MACROD2: variants seen among roughly 807,000 people sequenced by gnomAD.
MACROD2 encodes ADP-ribose glycohydrolase MACROD2.
In MACROD2, 36 loss-of-function variants were observed where a neutral mutation model predicts 70.4. That is an observed-to-expected ratio of 0.51 (90% CI 0.39 to 0.68). MACROD2 has a LOEUF of 0.68. MACROD2 is among the 30% of genes least tolerant of loss of function. The pLI, the probability that MACROD2 is intolerant of heterozygous loss-of-function variation, is 0.00. For missense variants in MACROD2, 496 were observed against 538.4 expected, an observed-to-expected ratio of 0.92 and a Z score of 0.78; for synonymous variants, 172 against 178.8, an observed-to-expected ratio of 0.96 and a Z score of 0.30.
chr20:15,801,242 A>C (rs898529942), intron 8 of MACROD2, among the ~76,000 whole-genome samples: 7 of 151,522 alleles, frequency 4.6e-5, no homozygotes, highest in Non-Finnish European at 7.4e-5. Context: ...TGGACAGTGG[A>C]TGGTATCCCA....
chr20:15,869,196 T>C (rs2064537835), intron 9 of MACROD2, among the ~76,000 whole-genome samples: 1 of 125,308 alleles, frequency 8.0e-6, no homozygotes, highest in Non-Finnish European at 1.6e-5. Flanking sequence ...TCAACTTTAC[T>C]TAAATGTGAT....
intron 3 of MACROD2, chr20:14,328,803 G>C (rs1165048009): frequency 6.6e-6 from 1 of 152,060 alleles, no homozygotes; most frequent in Admixed American, 6.6e-5. Context: ...TCATTAAAGT[G>C]GGGGCAGAAA....
At chr20:15,640,158 A>C (rs1413128528) in intron 8 of MACROD2, among the ~76,000 whole-genome samples, 2 of 151,934 alleles carry the variant, frequency 1.3e-5, no homozygotes, top group African/African-American at 4.8e-5. Flanking sequence ...AGAAAAAGAG[A>C]TGTGAGGAAG....
At chr20:15,071,514 T>C (rs1006062495) in intron 5 of MACROD2, among the ~76,000 whole-genome samples, 1 of 152,214 alleles carries the variant, frequency 6.6e-6, no homozygotes, top group African/African-American at 2.4e-5. Context: ...TAATGCTATT[T>C]GAAACTTTAT....
chr20:14,738,860 T>C (rs1247423280), intron 5 of MACROD2, among the ~76,000 whole-genome samples: 1 of 151,832 alleles, frequency 6.6e-6, no homozygotes, highest in Non-Finnish European at 1.5e-5. Context: ...GAAGGGAAAA[T>C]ACTAATACTT....
At chr20:15,737,548 A>C (rs952526581) in intron 8 of MACROD2, among the ~76,000 whole-genome samples, 3 of 152,248 alleles carry the variant, frequency 2.0e-5, no homozygotes, top group Admixed American at 6.5e-5. Flanking sequence ...GTTGATGTGC[A>C]TGAAAATGTT....
chr20:14,882,144 T>C (rs2073617775), intron 5 of MACROD2, among the ~76,000 whole-genome samples: 1 of 152,202 alleles, frequency 6.6e-6, no homozygotes, highest in South Asian at 2.1e-4. Context: ...ATTTTGAGAT[T>C]CTGCCATAGC....
At chr20:14,517,924 C>T (rs1043927276) in intron 4 of MACROD2, among the ~76,000 whole-genome samples, 7 of 151,622 alleles carry the variant, frequency 4.6e-5, no homozygotes, top group East Asian at 1.9e-4. Context: ...ATGATGTCTT[C>T]GAGACTGTTA....
intron 8 of MACROD2, among the ~76,000 whole-genome samples, chr20:15,781,727 T>G (rs1298080427): frequency 2.0e-5 from 3 of 152,156 alleles, no homozygotes; most frequent in African/African-American, 7.2e-5. Context: ...GTCTGAATTT[T>G]AGAGAGGACA....
intron 8 of MACROD2, among the ~76,000 whole-genome samples, chr20:15,686,579 A>G (rs1484756897): frequency 6.6e-6 from 1 of 152,192 alleles, no homozygotes; most frequent in African/African-American, 2.4e-5. Context: ...GTCAAATAAA[A>G]TACAATTTGT....
In MACROD2 at chr20:14,178,575, G is replaced by A. The variant is rs565456187; in HGVS notation, c.271+92847G>A. 1.2e-4 allele frequency among the ~76,000 whole-genome samples: 19 copies of A among 152,218 alleles called. No homozygotes were observed. The East Asian group carries it at 3.5e-3, about 28-fold the overall frequency. ...TCTGAAGAAATTAGTTATGTACATG[G>A]ATTGAGTAGAAATGGGTTGGAATAA... On this transcript the variant is annotated intron_variant, in intron 3 of 17. Coordinates refer to ENST00000684519, the MANE Select transcript of MACROD2 (RefSeq NM_001351661.2).
chr20:15,892,554 T>A (rs997242652), intron 10 of MACROD2, among the ~76,000 whole-genome samples: 39 of 152,202 alleles, frequency 2.6e-4, no homozygotes, highest in Non-Finnish European at 8.8e-5. Flanking sequence ...TAAGATGAAA[T>A]TGCACAATGA....
chr20:14,569,505 C>T (rs566287168), intron 4 of MACROD2, among the ~76,000 whole-genome samples: 3 of 152,012 alleles, frequency 2.0e-5, no homozygotes, highest in African/African-American at 7.2e-5. Flanking sequence ...TCCTCCACAA[C>T]CCAGCATCAT....
At chr20:14,928,244 T>TACC (rs1555851497) in intron 5 of MACROD2, among the ~76,000 whole-genome samples, 2 of 151,712 alleles carry the variant, frequency 1.3e-5, no homozygotes, top group Non-Finnish European at 2.9e-5. Context: ...AGTGTAGAAT[T>TACC]ATTCTATCCT....
intron 5 of MACROD2, among the ~76,000 whole-genome samples, chr20:14,746,418 T>C (rs902834515): frequency 1.3e-5 from 2 of 152,180 alleles, no homozygotes; most frequent in South Asian, 2.1e-4. Context: ...CCAAATAGTT[T>C]AGTGTAAAAG....
At chr20:15,811,612 A>G (rs922106359) in intron 8 of MACROD2, among the ~76,000 whole-genome samples, 2 of 152,070 alleles carry the variant, frequency 1.3e-5, no homozygotes, top group Admixed American at 1.3e-4. Flanking sequence ...TAAGAACACA[A>G]GCCTGATCTC....
At chr20:14,681,393 C>T (rs2070930587) in intron 4 of MACROD2, among the ~76,000 whole-genome samples, 1 of 152,090 alleles carries the variant, frequency 6.6e-6, no homozygotes, top group African/African-American at 2.4e-5. Context: ...GAAATTACAG[C>T]ATATTCAACA....
intron 5 of MACROD2, among the ~76,000 whole-genome samples, chr20:14,998,499 T>C (rs2074968633): frequency 6.6e-6 from 1 of 151,308 alleles, no homozygotes; most frequent in East Asian, 1.9e-4. Flanking sequence ...TTCACCAGAG[T>C]CTCTCAACAG....
chr20:15,874,843 G>C (rs1422175393), intron 9 of MACROD2, among the ~76,000 whole-genome samples: 1 of 152,174 alleles, frequency 6.6e-6, no homozygotes, highest in Non-Finnish European at 1.5e-5. Flanking sequence ...ATTGGTGGTG[G>C]AGTTAGGGTT....
Sources: allele counts gnomAD v4.1 joint callset (sites outside exome capture counted in the v4.1 genomes callset), GRCh38; gene constraint gnomAD v4.1.1; transcripts MANE v1.5; gene names NCBI Gene and HGNC (gene_info 2026-07-23, HGNC 2026-07-21).